Variants in PLXNB2 observed in about 807,000 individuals in gnomAD.
The protein encoded by PLXNB2 is plexin-B2.
PLXNB2 carries 85 observed loss-of-function variants against 202.6 expected under a neutral mutation model. The observed-to-expected ratio is 0.42, with a 90% CI of 0.35 to 0.50. The LOEUF (loss-of-function observed/expected upper bound fraction) is 0.50, where lower values mean the gene tolerates loss of function less well. Among genes scored for constraint, PLXNB2 ranks in the 20% least tolerant of loss-of-function variants. The pLI, the probability that PLXNB2 is intolerant of heterozygous loss-of-function variation, is 0.02. For missense variants in PLXNB2, 2,063 were observed against 2,586.2 expected (o/e 0.80, Z 4.39); for synonymous variants, 1,239 against 1,137.6 (o/e 1.09, Z -1.79).
At chr22:50,299,171 T>C (rs2067489553) in intron 1 of PLXNB2, among the ~76,000 whole-genome samples, 1 of 151,996 alleles carries the variant, frequency 6.6e-6, no homozygotes, top group Non-Finnish European at 1.5e-5. Flanking sequence ...AGCTCGGGCC[T>C]AGGCCTGGGA....
Position 50,279,923 on chromosome 22 carries a change from C to T in PLXNB2, c.4242+82G>A. On this transcript the variant is annotated intron_variant, in intron 26 of 36. Transcript: ENST00000359337. ...CCAGGCAGGGCCCACCTCAAGGTGCCGTACAGATAGGGGAACGCAGGAGGG... is the reference window on the plus strand; with the variant it reads ...CCAGGCAGGGCCCACCTCAAGGTGCTGTACAGATAGGGGAACGCAGGAGGG... 12 of 1,405,184 alleles carry T rather than the reference C, an allele frequency of 8.5e-6. No individual in the cohort carries two copies. The South Asian group carries it at 8.7e-5, about 10-fold the overall frequency. 87.0% of individuals were successfully genotyped at this position (1,405,184 alleles called of 1,614,324 possible).
At chr22:50,296,002 C>T (rs1374556327) in intron 1 of PLXNB2, among the ~76,000 whole-genome samples, 2 of 151,918 alleles carry the variant, frequency 1.3e-5, no homozygotes, top group East Asian at 1.9e-4. Flanking sequence ...CTCAGGAGGC[C>T]GAGGCAAGAT....
chr22:50,294,261 G>C (rs547742778), intron 2 of PLXNB2, among the ~76,000 whole-genome samples: 33 of 152,380 alleles, frequency 2.2e-4, no homozygotes, highest in African/African-American at 7.7e-4. Context: ...GAAGCTCGGA[G>C]GGGCACTTTC....
intron 36 of PLXNB2, 23 bp downstream of exon 36, chr22:50,275,866 C>T (rs765620801): frequency 6.8e-6 from 11 of 1,610,444 alleles, no homozygotes; most frequent in African/African-American, 5.3e-5. Context: ...CACCTGCCCC[C>T]GCCCCCGGGG....
chr22:50,280,863 C>T lies in PLXNB2; in HGVS notation c.3874G>A (p.Gly1292Ser), dbSNP rs757601022. 29 of 1,613,458 alleles carry T rather than the reference C, an allele frequency of 1.8e-5. No homozygotes were observed. The highest frequency in any genetic ancestry group is 1.9e-5 in the Non-Finnish European group (22 of 1,179,988). Residue 1292 changes from glycine (G) to serine (S), a missense_variant, in exon 24 of 37, where the codon GGC (glycine) becomes AGC (serine). Physicochemically the swap from Gly to Ser is moderately conservative, Grantham distance 56. Coordinates refer to ENST00000359337, the MANE Select transcript of PLXNB2 (RefSeq NM_012401.4). ...CCGGTGATCATCACGTCCTTGTCGC[C>T]GTCCTTGGAGGGCAGGAAGAAGACG... ...DRVFFLPSKD[G>S]DKDVMITGKL...
chr22:50,287,525 C>G, intron 7 of PLXNB2, 142 bp downstream of exon 7: 5 of 958,448 alleles, frequency 5.2e-6, no homozygotes, highest in Non-Finnish European at 7.5e-6. Flanking sequence ...GGGCGGGCTC[C>G]ATCCCTAAGG....
At chr22:50,290,679 T>C (rs2066805369) in intron 2 of PLXNB2, 82 bp from the exon 3 acceptor site, 4 of 1,392,966 alleles carry the variant, frequency 2.9e-6, no homozygotes, top group Middle Eastern at 2.6e-4. Context: ...GCCCCAAACG[T>C]CAGAACATGG....
In PLXNB2 at chr22:50,291,653, C is replaced by T. The variant is rs1195321088; in HGVS notation, c.-13-1056G>A. ...AGTGGCAGAGACAGGGCCCTTCTGC[C>T]TCTGAGCTCTTCCTCAGGGTGGTCC... On this transcript the variant is annotated intron_variant, in intron 2 of 36. Transcript: ENST00000359337. The surrounding 1 kb of genome is among the most constrained non-coding windows in gnomAD (Gnocchi z 4.3). 1.3e-5 allele frequency among the ~76,000 whole-genome samples: 2 copies of T among 152,146 alleles called. No homozygotes were observed. Among genetic ancestry groups the T allele is most frequent in the African/African-American group, 4.8e-5 (2 of 41,422 alleles).
rs1309378692 is a variant in PLXNB2, at chr22:50,275,962, G to A, written c.5339C>T (p.Ala1780Val). 31 of 1,612,304 alleles carry A rather than the reference G, an allele frequency of 1.9e-5. No homozygotes were observed. The East Asian group carries it at 3.3e-4, about 17-fold the overall frequency. ...GAGGGTGTTCAAGGAGTCCGTGTGC[G>A]CCTGGGGGGTGACGGGACAGTCAGG... is the stretch of plus-strand genomic sequence containing the variant. ...MNTHLAEISR[A>V]HTDSLNTLVA... The change falls in exon 36 of 37, where the codon GCG becomes GTG. Residue 1780 changes from alanine to valine, a missense_variant and splice_region_variant. Physicochemically the swap from Ala to Val is moderately conservative, Grantham distance 64. This residue lies in a region of PLXNB2 where 760 missense variants were observed against 1,109.4 expected (regional missense o/e 0.69). Coordinates refer to ENST00000359337, the MANE Select transcript of PLXNB2 (RefSeq NM_012401.4).
chr22:50,282,131 C>T (rs780345588), intron 19 of PLXNB2, 50 bp from the exon 20 acceptor site: 1 of 1,604,142 alleles, frequency 6.2e-7, no homozygotes, highest in Admixed American at 1.7e-5. Context: ...CCCGCCCTTC[C>T]TGGGCACGAT....
rs767853611 is a variant in PLXNB2, at chr22:50,289,634, G to A, written c.951C>T (p.Asp317=). ...TGGCCTCCATCTTGGCGTGCACCTT[G>A]TCCAGCGGGAACAGGCAGAGGCCCG... ...PGAGLCLFPL[D]KVHAKMEANR... is the part of the protein sequence containing the mutation. Residue 317 remains aspartate, a synonymous_variant, in exon 3 of 37, where the codon GAC becomes GAT. Transcript: ENST00000359337. This position sits in a 1 kb window ranked among gnomAD's most constrained non-coding sequence, Gnocchi z 8.0. 11 of 1,609,454 alleles carry A rather than the reference G, an allele frequency of 6.8e-6. No individual in the cohort carries two copies. In the African/African-American group the frequency reaches 8.0e-5, roughly 12 times the overall value.
Position 50,289,022 on chromosome 22 carries a change from C to A in PLXNB2, c.1189G>T (p.Val397Phe). Residue 397 changes from valine (V) to phenylalanine (F), a missense_variant, in exon 4 of 37, where the codon GTC becomes TTC. Val to Phe is a conservative substitution (Grantham distance 50). Around this residue, in one of 2 missense-constraint regions of PLXNB2, gnomAD observed 1,303 missense variants for 1,476.8 expected, o/e 0.88. Transcript: ENST00000359337. The surrounding 1 kb of genome is among the most constrained non-coding windows in gnomAD (Gnocchi z 8.0). ...ACAGTGTGGTTGTTCTCGGCGGCGA[C>A]CGTCACGGCCGTGAGGTTCAGGCCT... is the stretch of plus-strand genomic sequence containing the variant. ...RGGLNLTAVT[V>F]AAENNHTVAF... 2 of 1,610,120 alleles carry A rather than the reference C, an allele frequency of 1.2e-6. No homozygotes were observed. The highest frequency in any genetic ancestry group is 1.7e-6 in the Non-Finnish European group (2 of 1,178,230).
rs372835571 is a variant in PLXNB2, at chr22:50,275,961, C to A, written c.5340G>T (p.Ala1780=). The change falls in exon 36 of 37, where the codon GCG becomes GCT. Residue 1780 remains alanine, a splice_region_variant and synonymous_variant. Coordinates refer to ENST00000359337, the MANE Select transcript of PLXNB2 (RefSeq NM_012401.4). ...MNTHLAEISR[A]HTDSLNTLVA... is the part of the protein sequence containing the mutation. ...CGAGGGTGTTCAAGGAGTCCGTGTGCGCCTGGGGGGTGACGGGACAGTCAG... is the reference window on the plus strand; with the variant it reads ...CGAGGGTGTTCAAGGAGTCCGTGTGAGCCTGGGGGGTGACGGGACAGTCAG... The A allele has an allele frequency of 3.7e-6, 6 of 1,612,290 alleles. No individual in the cohort carries two copies. Among genetic ancestry groups the A allele is most frequent in the Non-Finnish European group, 5.1e-6 (6 of 1,179,684 alleles).
chr22:50,279,967 C>T lies in PLXNB2; in HGVS notation c.4242+38G>A, dbSNP rs763237336. On this transcript the variant is annotated intron_variant, in intron 26 of 36. Coordinates refer to ENST00000359337, the MANE Select transcript of PLXNB2 (RefSeq NM_012401.4). Reference sequence around the variant, plus strand: ...AGGAGGGGATGGCAGCAGTCTGCCTCATCCCTCAAGCCCCAGCCAGGCTGG... The same window carrying T: ...AGGAGGGGATGGCAGCAGTCTGCCTTATCCCTCAAGCCCCAGCCAGGCTGG... The T allele has an allele frequency of 3.1e-5, 47 of 1,524,696 alleles. No individual in the cohort carries two copies. In the East Asian group the frequency reaches 6.3e-4, roughly 21 times the overall value. 94.4% of individuals were successfully genotyped at this position (1,524,696 alleles called of 1,614,324 possible).
intron 1 of PLXNB2, among the ~76,000 whole-genome samples, chr22:50,300,877 T>G (rs2067643523): frequency 6.6e-6 from 1 of 152,064 alleles, no homozygotes; most frequent in African/African-American, 2.4e-5. Flanking sequence ...CCCCCACTGG[T>G]CCACACCTCC....
At chr22:50,293,496 C>T (rs2067035084) in intron 2 of PLXNB2, among the ~76,000 whole-genome samples, 1 of 152,218 alleles carries the variant, frequency 6.6e-6, no homozygotes, top group South Asian at 2.1e-4. Flanking sequence ...TGCTGCCCTC[C>T]CCTCCCAGCC....
intron 34 of PLXNB2, 66 bp downstream of exon 34, chr22:50,276,776 C>T (rs1324820488): frequency 1.3e-6 from 2 of 1,599,402 alleles, no homozygotes; most frequent in Admixed American, 1.7e-5. Context: ...AAACCAAGGC[C>T]TGAACCTCCC....
At position 50,275,289 on chromosome 22, in the gene PLXNB2, T is replaced by C. The variant is rs2065468084; in HGVS notation, c.*415A>G. The C allele has an allele frequency of 2.4e-6, 1 of 424,716 alleles. No homozygotes were observed. The highest frequency in any genetic ancestry group is 4.7e-6 in the Non-Finnish European group (1 of 212,778). 26.3% of individuals were successfully genotyped at this position (424,716 alleles called of 1,614,324 possible). ...CCATCTCGTGGTGGACAGACAGACA[T>C]AGGATCTGGGAACTTGCCCTGGGGG... On this transcript the variant is annotated 3_prime_UTR_variant, in exon 37 of 37. Coordinates refer to ENST00000359337, the MANE Select transcript of PLXNB2 (RefSeq NM_012401.4).
chr22:50,290,985 C>T (rs941696829), intron 2 of PLXNB2, among the ~76,000 whole-genome samples: 4 of 152,110 alleles, frequency 2.6e-5, no homozygotes, highest in East Asian at 1.9e-4. Context: ...TCCAGGTGGT[C>T]GGGACGCACC....
Sources: gnomAD v4.1 joint callset for allele counts (sites outside exome capture counted in the v4.1 genomes callset) on GRCh38, gnomAD v4.1.1 for gene constraint, gnomAD v4.1.1 regional missense constraint, Gnocchi (gnomAD v3.1) non-coding constraint, MANE v1.5 for transcripts, NCBI Gene and HGNC (gene_info 2026-07-23, HGNC 2026-07-21) for gene names.